Variants in PCSK6 observed in about 807,000 individuals in gnomAD.
PCSK6 encodes proprotein convertase subtilisin/kexin type 6, also known as paired basic amino acid cleaving enzyme 4.
Under a neutral mutation model 123.3 loss-of-function variants are expected in PCSK6, and 85 were observed. The ratio of observed to expected loss-of-function variants is 0.69; its 90% CI spans 0.58 to 0.83. The LOEUF is 0.83. Ranked by LOEUF, PCSK6 falls within the 40% of genes least tolerant of loss-of-function variation. PCSK6 has a pLI of 0.00. For missense variants in PCSK6, 1,191 were observed against 1,282.3 expected (o/e 0.93, Z 1.09); for synonymous variants, 508 against 516.0 (o/e 0.98, Z 0.21).
rs757381397 is a variant in PCSK6 at position 101,331,678 on chromosome 15, G to A, written c.2050C>T (p.Pro684Ser). The stretch of plus-strand genomic sequence containing the variant: ...GTCTGTAAAATATTAGCAGAGCCTG[G>A]GGTGGATTGAGCTGTGTGAGTGCAA... ...DEEDYTAQST[P>S]GSANILQTSV... is the part of the protein sequence containing the mutation. The change falls in exon 15 of 22, where the codon CCA becomes TCA. Residue 684 changes from proline (P) to serine (S), a missense_variant. Around this residue, in one of 3 missense-constraint regions of PCSK6, gnomAD observed 630 missense variants for 631.4 expected, o/e 1.00. Transcript: ENST00000611716. The A allele has an allele frequency of 6.2e-7, 1 of 1,613,580 alleles. No individual in the cohort carries two copies. The highest frequency in any genetic ancestry group is 8.5e-7 in the Non-Finnish European group (1 of 1,179,680).
chr15:101,438,787 A>G (rs993352356), intron 2 of PCSK6, among the ~76,000 whole-genome samples: 1 of 152,176 alleles, frequency 6.6e-6, no homozygotes, highest in African/African-American at 2.4e-5. Flanking sequence ...CTCCTACTCT[A>G]GGGCCAGATC....
At chr15:101,359,642 G>A (rs2041153496) in intron 13 of PCSK6, among the ~76,000 whole-genome samples, 1 of 152,264 alleles carries the variant, frequency 6.6e-6, no homozygotes, top group Non-Finnish European at 1.5e-5. Context: ...CATGCAGGCA[G>A]CAAGCAGGGA....
chr15:101,393,184 A>G, intron 8 of PCSK6, 28 bp downstream of exon 8: 1 of 1,556,002 alleles, frequency 6.4e-7, no homozygotes, highest in African/African-American at 1.4e-5. Context: ...ACTCACTGTA[A>G]GCACTCCAAC....
At chr15:101,321,512 G>T (rs1332772352) in intron 18 of PCSK6, among the ~76,000 whole-genome samples, 1 of 152,248 alleles carries the variant, frequency 6.6e-6, no homozygotes, top group Non-Finnish European at 1.5e-5. Flanking sequence ...TTGCTGCAAA[G>T]ATTAAATGAG....
rs549919366 is a variant in PCSK6 at position 101,467,744 on chromosome 15, T to TG, written c.297+21629dup. ...AAACCTTAGAAACACGATGTTAAACTGGGGGGAGAAAAGCAAGTCTCAGAA... is the reference window on the plus strand; with the variant it reads ...AAACCTTAGAAACACGATGTTAAACTGGGGGGGAGAAAAGCAAGTCTCAGAA... On this transcript the variant is annotated intron_variant, in intron 1 of 21. Coordinates refer to ENST00000611716, the MANE Select transcript of PCSK6 (RefSeq NM_002570.5). Among the ~76,000 whole-genome samples, 133 of 152,252 alleles carry TG rather than the reference T, an allele frequency of 8.7e-4. 1 individual carries two copies. Among genetic ancestry groups the TG allele is most frequent in the African/African-American group, 3.1e-3 (129 of 41,532 alleles).
At chr15:101,403,297 G>A (rs184068970) in intron 6 of PCSK6, among the ~76,000 whole-genome samples, 2 of 147,210 alleles carry the variant, frequency 1.4e-5, no homozygotes, top group Non-Finnish European at 3.0e-5. Flanking sequence ...GGGAGGGATA[G>A]CATTAGGAGA....
chr15:101,418,779 C>A (rs2055981022), intron 6 of PCSK6, among the ~76,000 whole-genome samples: 1 of 152,176 alleles, frequency 6.6e-6, no homozygotes, highest in South Asian at 2.1e-4. Context: ...TCCCAAAGTG[C>A]TGGGATTACA....
intron 1 of PCSK6, among the ~76,000 whole-genome samples, chr15:101,462,894 A>G (rs1266877565): frequency 6.6e-6 from 1 of 152,152 alleles, no homozygotes; most frequent in Non-Finnish European, 1.5e-5. Flanking sequence ...CCCCAGGCAC[A>G]TGGCTATGGG....
intron 11 of PCSK6, among the ~76,000 whole-genome samples, chr15:101,380,021 A>G (rs2141498139): frequency 6.6e-6 from 1 of 152,294 alleles, no homozygotes; most frequent in East Asian, 1.9e-4. Context: ...GTGAGACGGT[A>G]GGCTGGCTGA....
intron 6 of PCSK6, among the ~76,000 whole-genome samples, chr15:101,401,596 T>C (rs2042589106): frequency 6.6e-6 from 1 of 152,004 alleles, no homozygotes; most frequent in Non-Finnish European, 1.5e-5. Context: ...CACCATCAAC[T>C]GTGACCAGGT....
chr15:101,484,607 T>G (rs1285401312), intron 1 of PCSK6, among the ~76,000 whole-genome samples: 6 of 152,018 alleles, frequency 3.9e-5, no homozygotes. Flanking sequence ...GCCAGGCTGG[T>G]CTCGAACTCC....
At chr15:101,386,135 C>G (rs534242908) in intron 9 of PCSK6, among the ~76,000 whole-genome samples, 1 of 152,042 alleles carries the variant, frequency 6.6e-6, no homozygotes, top group African/African-American at 2.4e-5. Context: ...GCTCTCGGTG[C>G]GTGTTTACTA....
chr15:101,480,363 C>G (rs565257054), intron 1 of PCSK6, among the ~76,000 whole-genome samples: 1 of 152,270 alleles, frequency 6.6e-6, no homozygotes, highest in African/African-American at 2.4e-5. Context: ...CTGCGGGGCC[C>G]TGTGGAGCGC....
intron 12 of PCSK6, among the ~76,000 whole-genome samples, chr15:101,369,668 A>C (rs3784500): frequency 0.043 from 6,569 of 152,306 alleles, 307 homozygotes; most frequent in African/African-American, 0.12. Flanking sequence ...CCTTCATTCT[A>C]ATTACCTGTA....
intron 2 of PCSK6, among the ~76,000 whole-genome samples, chr15:101,440,280 T>C (rs532187677): frequency 6.6e-6 from 1 of 152,346 alleles, no homozygotes; most frequent in African/African-American, 2.4e-5. Context: ...AAATGGCCCT[T>C]TTCAAAGACG....
intron 13 of PCSK6, among the ~76,000 whole-genome samples, chr15:101,362,837 T>C (rs186328751): frequency 7.2e-5 from 11 of 152,300 alleles, no homozygotes; most frequent in South Asian, 2.1e-4. Context: ...GAGCCCCCAG[T>C]CTTAACCACT....
At chr15:101,320,033 A>G (rs2040080939) in intron 18 of PCSK6, among the ~76,000 whole-genome samples, 1 of 151,982 alleles carries the variant, frequency 6.6e-6, no homozygotes, top group Non-Finnish European at 1.5e-5. Context: ...TGAGCCCTCA[A>G]TTTGTAGGAT....
chr15:101,374,191 C>T (rs1043328439), intron 11 of PCSK6, among the ~76,000 whole-genome samples: 12 of 152,204 alleles, frequency 7.9e-5, no homozygotes, highest in African/African-American at 2.7e-4. Context: ...TGCTCTCCAC[C>T]CGCTCCCTTC....
intron 1 of PCSK6, among the ~76,000 whole-genome samples, chr15:101,484,913 T>C (rs1378720820): frequency 6.6e-6 from 1 of 152,206 alleles, no homozygotes; most frequent in African/African-American, 2.4e-5. Context: ...AAAAAACGCC[T>C]GCATGGACAT....
Sources: gnomAD v4.1 joint callset for allele counts (sites outside exome capture counted in the v4.1 genomes callset) on GRCh38, gnomAD v4.1.1 for gene constraint, gnomAD v4.1.1 regional missense constraint, MANE v1.5 for transcripts, NCBI Gene and HGNC (gene_info 2026-07-23, HGNC 2026-07-21) for gene names.